The following DNAH17 variants were observed in gnomAD, a reference collection of about 807,000 sequenced individuals.
The protein encoded by DNAH17 is dynein axonemal heavy chain 17.
DNAH17 carries 376 observed loss-of-function variants against 485.6 expected under a neutral mutation model. The observed-to-expected ratio is 0.77, with a 90% confidence interval of 0.71 to 0.84. DNAH17 has a LOEUF of 0.84. Among genes scored for constraint, DNAH17 ranks in the 40% least tolerant of loss-of-function variants. The pLI is 0.00. For missense variants in DNAH17, 6,370 were observed against 5,839.3 expected (o/e 1.09, Z -2.96); for synonymous variants, 3,031 against 2,405.9 (o/e 1.26, Z -7.60).
chr17:78,554,108 TCA>T (rs2091967961), intron 14 of DNAH17, among the ~76,000 whole-genome samples: 1 of 152,118 alleles, frequency 6.6e-6, no homozygotes, highest in African/African-American at 2.4e-5. Context: ...AGCCTGAAGT[TCA>T]GTTATACAAC....
intron 25 of DNAH17, among the ~76,000 whole-genome samples, chr17:78,520,724 AAAG>A (rs78105299): frequency 0.27 from 41,113 of 152,026 alleles, 5,781 homozygotes; most frequent in Middle Eastern, 0.33. Context: ...CAAAAAAATC[AAAG>A]AAGAGCCAAA....
At chr17:78,441,343 G>C in intron 71 of DNAH17, 144 bp from the exon 72 acceptor site, 1 of 914,664 alleles carries the variant, frequency 1.1e-6, no homozygotes, top group Non-Finnish European at 1.6e-6. Flanking sequence ...GGAGAGCAGA[G>C]TCTTTACCGG....
intron 3 of DNAH17, among the ~76,000 whole-genome samples, chr17:78,572,151 G>A (rs781197548): frequency 9.2e-5 from 14 of 152,282 alleles, no homozygotes; most frequent in Middle Eastern, 6.8e-3. Flanking sequence ...ACTTGCCCAC[G>A]TGAGGCAAAA....
intron 75 of DNAH17, among the ~76,000 whole-genome samples, chr17:78,430,341 A>T (rs1392372009): frequency 6.6e-6 from 1 of 152,138 alleles, no homozygotes; most frequent in Non-Finnish European, 1.5e-5. Flanking sequence ...CTTTTTTGGT[A>T]CCCAGCATGT....
intron 69 of DNAH17, among the ~76,000 whole-genome samples, chr17:78,448,316 G>A (rs755295575): frequency 2.0e-5 from 3 of 151,814 alleles, no homozygotes; most frequent in Non-Finnish European, 4.4e-5. Context: ...CTGGGCAACA[G>A]AGCGAGACTT....
At position 78,505,195 on chromosome 17, in the gene DNAH17, G is replaced by T; in HGVS notation, c.4956+98C>A. ...AGGGGCGGGCTGGCAGCTGCACAGGGTGCTGGTTCTCCGGACATCGCCATC... is the reference window on the plus strand; with the variant it reads ...AGGGGCGGGCTGGCAGCTGCACAGGTTGCTGGTTCTCCGGACATCGCCATC... On this transcript the variant is annotated intron_variant, in intron 31 of 80. Coordinates refer to ENST00000389840, the MANE Select transcript of DNAH17 (RefSeq NM_173628.4). 2.7e-6 allele frequency: 4 copies of T among 1,508,416 alleles called. No homozygotes were observed. The South Asian group carries it at 3.7e-5, about 14-fold the overall frequency. 93.4% of individuals were successfully genotyped at this position (1,508,416 alleles called of 1,614,324 possible).
At position 78,531,560 on chromosome 17, in the gene DNAH17, G is replaced by A. The variant is rs370284577; in HGVS notation, c.3114+922C>T. Among the ~76,000 whole-genome samples, 33 of 151,884 alleles carry A rather than the reference G, an allele frequency of 2.2e-4. No homozygotes were observed. In the South Asian group the frequency reaches 5.0e-3, roughly 23 times the overall value. ...TCACCGTGTTAGCCAGGATGGTCTCGATCTCCTGACCTCACGATCCAACCG... is the reference window on the plus strand; with the variant it reads ...TCACCGTGTTAGCCAGGATGGTCTCAATCTCCTGACCTCACGATCCAACCG... On this transcript the variant is annotated intron_variant, in intron 20 of 80. Coordinates refer to ENST00000389840, the MANE Select transcript of DNAH17 (RefSeq NM_173628.4).
chr17:78,547,920 T>C (rs2091808532), intron 16 of DNAH17, among the ~76,000 whole-genome samples: 1 of 152,104 alleles, frequency 6.6e-6, no homozygotes, highest in Non-Finnish European at 1.5e-5. Flanking sequence ...GCCCAGCCTA[T>C]TACTTCTTTA....
chr17:78,528,607 C>T (rs952036666), intron 22 of DNAH17, among the ~76,000 whole-genome samples: 5 of 151,898 alleles, frequency 3.3e-5, no homozygotes, highest in African/African-American at 1.2e-4. Context: ...GGTGGACGGG[C>T]TGGGAGGAGT....
At chr17:78,433,935 GGGAA>G (rs1555650713) in intron 75 of DNAH17, 90 bp downstream of exon 75, 3 of 873,840 alleles carry the variant, frequency 3.4e-6, no homozygotes, top group East Asian at 5.5e-5. Context: ...GAAGGAGGGA[GGGAA>G]GGAGGGAGGG....
intron 19 of DNAH17, among the ~76,000 whole-genome samples, chr17:78,535,242 T>G (rs1276177677): frequency 6.6e-6 from 1 of 152,186 alleles, no homozygotes; most frequent in Non-Finnish European, 1.5e-5. Flanking sequence ...ACACTGATTC[T>G]GAGGACATGT....
In DNAH17 at chr17:78,461,708, C is replaced by T. The variant is rs907326246; in HGVS notation, c.9175G>A (p.Val3059Met). ...LMKLQSTASQ[V>M]DDLKAKLAIQ... ...GCCAACTTGGCTTTCAAATCATCCA[C>T]CTGGGGAAGGAGAAACCGAGAAACA... is the stretch of plus-strand genomic sequence containing the variant. Residue 3059 changes from valine to methionine, a missense_variant and splice_region_variant, in exon 58 of 81, where the codon GTG (valine) becomes ATG (methionine). Physicochemically the swap from Val to Met is conservative, Grantham distance 21. Coordinates refer to ENST00000389840, the MANE Select transcript of DNAH17 (RefSeq NM_173628.4). 4 of 1,609,150 alleles carry T rather than the reference C, an allele frequency of 2.5e-6. No individual in the cohort carries two copies. The highest frequency in any genetic ancestry group is 2.7e-5 in the African/African-American group (2 of 74,728).
intron 9 of DNAH17, 55 bp downstream of exon 9, chr17:78,569,111 A>G: frequency 3.6e-6 from 5 of 1,406,220 alleles, no homozygotes; most frequent in Non-Finnish European, 4.9e-6. Flanking sequence ...CAGGTGTCCT[A>G]GGGTAGGAGC....
rs750418013 is a variant in DNAH17 at position 78,425,458 on chromosome 17, G to T, written c.13029C>A (p.Asn4343Lys). 2.5e-6 allele frequency: 4 copies of T among 1,613,828 alleles called. No homozygotes were observed. Among genetic ancestry groups the T allele is most frequent in the Non-Finnish European group, 3.4e-6 (4 of 1,179,930 alleles). The change falls in exon 80 of 81, where the codon AAC becomes AAA. Residue 4343 changes from asparagine (N) to lysine (K), a missense_variant. By Grantham distance (94) the Asn-to-Lys change is moderately conservative (BLOSUM62 0). Transcript: ENST00000389840. The stretch of plus-strand genomic sequence containing the variant: ...GACACATCTTGTCCAGGGGCCACTC[G>T]TTCTTCCTGGCCATGGACTGCATGA... Reference protein sequence around the residue: ...TAIMQSMARKNEWPLDKMCLS... With the variant: ...TAIMQSMARKKEWPLDKMCLS...
Position 78,554,436 on chromosome 17 carries a change from C to CAAAAAAAAAAAAA in DNAH17, c.2179-1644_2179-1632dup, listed in dbSNP as rs55701739. 9.3e-4 allele frequency among the ~76,000 whole-genome samples: 30 copies of CAAAAAAAAAAAAA among 32,264 alleles called. 5 individuals carry two copies. Among genetic ancestry groups the CAAAAAAAAAAAAA allele is most frequent in the African/African-American group, 1.1e-3 (10 of 9,346 alleles). The allele number at this position is 32,264 out of a possible 152,430, so 21.2% of individuals were successfully genotyped here. A position where few individuals can be genotyped will look rare whatever the true frequency, so the allele number is the denominator to read the frequency against. ...TGGACAATAGAATGAGACTCTGTCTCAAAAAAAAAAAAAAAAAAAAAAAAA... is the reference window on the plus strand; with the variant it reads ...TGGACAATAGAATGAGACTCTGTCTCAAAAAAAAAAAAAAAAAAAAAAAAAAAAAAAAAAAAAA... On this transcript the variant is annotated intron_variant, in intron 14 of 80. Transcript: ENST00000389840.
At chr17:78,478,597 T>A (rs1299547953) in intron 51 of DNAH17, among the ~76,000 whole-genome samples, 3 of 141,736 alleles carry the variant, frequency 2.1e-5, no homozygotes, top group Non-Finnish European at 4.5e-5. Flanking sequence ...TCACTACCAC[T>A]GTCACCACCA....
At chr17:78,479,193 G>A (rs2089240404) in intron 50 of DNAH17, 77 bp from the exon 51 acceptor site, 1 of 1,415,102 alleles carries the variant, frequency 7.1e-7, no homozygotes, top group African/African-American at 1.4e-5. Flanking sequence ...AGTTTCTAAA[G>A]CCAATGGACT....
intron 27 of DNAH17, among the ~76,000 whole-genome samples, chr17:78,508,099 C>G (rs114931699): frequency 2.6e-5 from 4 of 152,190 alleles, no homozygotes; most frequent in Non-Finnish European, 5.9e-5. Context: ...AGAAGCCACA[C>G]GCTCAGACCA....
chr17:78,424,026 C>T lies in DNAH17; in HGVS notation c.13269G>A (p.Glu4423=), dbSNP rs1171240661. The change falls in exon 81 of 81, where the codon GAG becomes GAA. Residue 4423 remains glutamate, a synonymous_variant. Coordinates refer to ENST00000389840, the MANE Select transcript of DNAH17 (RefSeq NM_173628.4). ...VDRMETKNIY[E]CPVYKTRIRG... is the part of the protein sequence containing the mutation. Reference sequence around the variant, plus strand: ...GGATGCGTGTTTTGTACACGGGACACTCATAGATGTTCTTGGTCTCCATGC... The same window carrying T: ...GGATGCGTGTTTTGTACACGGGACATTCATAGATGTTCTTGGTCTCCATGC... The T allele has an allele frequency of 1.9e-6, 3 of 1,614,070 alleles. No homozygotes were observed. Among genetic ancestry groups the T allele is most frequent in the Non-Finnish European group, 1.7e-6 (2 of 1,179,906 alleles).
Sources: allele counts gnomAD v4.1 joint callset (sites outside exome capture counted in the v4.1 genomes callset), GRCh38; gene constraint gnomAD v4.1.1; transcripts MANE v1.5; gene names NCBI Gene and HGNC (gene_info 2026-07-23, HGNC 2026-07-21).